The following SLC9A4 variants were observed in gnomAD, a reference collection of about 807,000 sequenced individuals.
SLC9A4 encodes the protein sodium/hydrogen exchanger 4.
Under a neutral mutation model 67.4 loss-of-function variants are expected in SLC9A4, and 63 were observed. The ratio of observed to expected loss-of-function variants is 0.93; its 90% CI spans 0.76 to 1.15. The LOEUF (loss-of-function observed/expected upper bound fraction) is 1.15. Among genes scored for constraint, SLC9A4 ranks in the 50% most tolerant of loss-of-function variants. The probability of loss-of-function intolerance (pLI) is 0.00; values close to 1 mark genes in which losing one functional copy is unlikely to be tolerated. For synonymous variants in SLC9A4, 393 were observed against 367.2 expected, an observed-to-expected ratio of 1.07 and a Z score of -0.80; for missense variants, 1,089 against 987.7, an observed-to-expected ratio of 1.10 and a Z score of -1.38.
chr2:102,490,903 A>G (rs1198812571), intron 2 of SLC9A4, among the ~76,000 whole-genome samples: 1 of 152,206 alleles, frequency 6.6e-6, no homozygotes, highest in East Asian at 1.9e-4. Context: ...TGTTTACTCA[A>G]GGTCTTTAGC....
rs772744398 is a variant in SLC9A4 at position 102,505,319 on chromosome 2, C to T, written c.1046C>T (p.Thr349Met). The change falls in exon 4 of 12, where the codon ACG (threonine) becomes ATG (methionine). Residue 349 changes from threonine to methionine, a missense_variant. By Grantham distance (81) the Thr-to-Met change is moderately conservative. Coordinates refer to ENST00000295269, the MANE Select transcript of SLC9A4 (RefSeq NM_001011552.4). ...VEENVSQTSY[T>M]TIKYFMKMLS... ...GAAAACGTGTCCCAGACATCATACACGACCATCAAGTACTTCATGAAGATG... is the reference window on the plus strand; with the variant it reads ...GAAAACGTGTCCCAGACATCATACATGACCATCAAGTACTTCATGAAGATG... 54 of 1,614,100 alleles carry T rather than the reference C, an allele frequency of 3.3e-5. No individual in the cohort carries two copies. The highest frequency in any genetic ancestry group is 6.7e-5 in the African/African-American group (5 of 74,936).
At chr2:102,527,190 A>C (rs1674682992) in intron 11 of SLC9A4, among the ~76,000 whole-genome samples, 1 of 152,182 alleles carries the variant, frequency 6.6e-6, no homozygotes, top group Non-Finnish European at 1.5e-5. Flanking sequence ...ATCACCATAG[A>C]ATGTTTTGGT....
chr2:102,512,794 C>A (rs922450746), intron 7 of SLC9A4, among the ~76,000 whole-genome samples: 1 of 152,266 alleles, frequency 6.6e-6, no homozygotes, highest in East Asian at 1.9e-4. Flanking sequence ...GACTTAGTTT[C>A]CAGTTCAGGA....
intron 8 of SLC9A4, among the ~76,000 whole-genome samples, chr2:102,518,193 C>G (rs4851610): frequency 0.79 from 119,621 of 152,134 alleles, 47,334 homozygotes; most frequent in Middle Eastern, 0.83. Flanking sequence ...TTCGTCCCCC[C>G]CAAAGTGGTC....
chr2:102,483,767 C>A (rs1252393013), intron 2 of SLC9A4, among the ~76,000 whole-genome samples: 14 of 141,830 alleles, frequency 9.9e-5, no homozygotes, highest in Admixed American at 8.7e-4. Flanking sequence ...CAAAAATTAG[C>A]TTGACCTTAG....
intron 2 of SLC9A4, among the ~76,000 whole-genome samples, chr2:102,490,418 C>G (rs752374544): frequency 3.3e-5 from 5 of 152,210 alleles, no homozygotes; most frequent in Non-Finnish European, 5.9e-5. Context: ...AGGCAGCTAC[C>G]TTCTTGCTTT....
chr2:102,491,610 C>A (rs1010446268), intron 2 of SLC9A4, among the ~76,000 whole-genome samples: 2 of 152,066 alleles, frequency 1.3e-5, no homozygotes, highest in Non-Finnish European at 2.9e-5. Context: ...CAATTACCTC[C>A]CACTGGGTCC....
rs770361441 is a variant in SLC9A4, at chr2:102,503,742, TAGAA to T, written c.980+42_980+45del. 1.0e-5 allele frequency: 16 copies of T among 1,603,782 alleles called. No homozygotes were observed. In the East Asian group the frequency reaches 1.8e-4, roughly 18 times the overall value. ...AACCAAGGATCAAGTCACATAGTAA[TAGAA>T]AGAAAGTTTAGAACCACATCACATG... On this transcript the variant is annotated intron_variant, in intron 3 of 11. Coordinates refer to ENST00000295269, the MANE Select transcript of SLC9A4 (RefSeq NM_001011552.4).
chr2:102,484,312 C>T (rs1261172866), intron 2 of SLC9A4, among the ~76,000 whole-genome samples: 1 of 152,060 alleles, frequency 6.6e-6, no homozygotes, highest in African/African-American at 2.4e-5. Flanking sequence ...CTGGGAGTGA[C>T]AAGAGAGAAC....
intron 4 of SLC9A4, among the ~76,000 whole-genome samples, chr2:102,506,447 G>A (rs1473592136): frequency 2.0e-5 from 3 of 152,146 alleles, no homozygotes; most frequent in African/African-American, 4.8e-5. Flanking sequence ...AGATTAACAG[G>A]AATACAGAAA....
chr2:102,520,055 C>T lies in SLC9A4; in HGVS notation c.1818+100C>T, dbSNP rs549980459. On this transcript the variant is annotated intron_variant, in intron 9 of 11. Coordinates refer to ENST00000295269, the MANE Select transcript of SLC9A4 (RefSeq NM_001011552.4). ...TTCAAGTCTCCTGATGTTCACGTCACCCTCTGTAAGGTGGTAACTTGCTGA... is the reference window on the plus strand; with the variant it reads ...TTCAAGTCTCCTGATGTTCACGTCATCCTCTGTAAGGTGGTAACTTGCTGA... 5.3e-6 allele frequency: 5 copies of T among 940,082 alleles called. No individual in the cohort carries two copies. The East Asian group carries it at 7.7e-5, about 15-fold the overall frequency. The allele number at this position is 940,082 out of a possible 1,614,324, so 58.2% of individuals were successfully genotyped here.
intron 2 of SLC9A4, among the ~76,000 whole-genome samples, chr2:102,500,635 C>T (rs1357607001): frequency 2.0e-5 from 3 of 152,186 alleles, no homozygotes; most frequent in Non-Finnish European, 4.4e-5. Flanking sequence ...TGCCAGCTCA[C>T]ATTCCCAAGC....
intron 8 of SLC9A4, among the ~76,000 whole-genome samples, chr2:102,518,469 C>T (rs114712018): frequency 6.8e-4 from 104 of 152,178 alleles, no homozygotes; most frequent in African/African-American, 2.5e-3. Context: ...TTTAAATGCC[C>T]TGATAATAAT....
rs777547928 is a variant in SLC9A4 at position 102,508,885 on chromosome 2, T to TA, written c.1447dup (p.Thr483AsnfsTer3). ...GCCCTCTGGTCAGGTACCTGGATGT[T>TA]AAAAAAACCAATAAAAAAGAATCCA... On this transcript the variant is annotated frameshift_variant, in exon 6 of 12. Transcript: ENST00000295269. LOFTEE classifies it high-confidence loss of function. 1.8e-5 allele frequency: 29 copies of TA among 1,613,010 alleles called. No individual in the cohort carries two copies. The highest frequency in any genetic ancestry group is 8.4e-5 in the Admixed American group (5 of 59,744).
chr2:102,492,135 A>C (rs1684715851), intron 2 of SLC9A4, among the ~76,000 whole-genome samples: 1 of 151,934 alleles, frequency 6.6e-6, no homozygotes, highest in Non-Finnish European at 1.5e-5. Context: ...CACCTCCCCC[A>C]CCACCCCAGC....
intron 8 of SLC9A4, among the ~76,000 whole-genome samples, chr2:102,516,205 A>G (rs1318759904): frequency 6.6e-6 from 1 of 152,198 alleles, no homozygotes; most frequent in East Asian, 1.9e-4. Flanking sequence ...TAAGTCAATT[A>G]TTTCTTTAGA....
chr2:102,479,203 C>G lies in SLC9A4; in HGVS notation c.621C>G (p.Asp207Glu), dbSNP rs1259294505. The G allele has an allele frequency of 6.2e-7, 1 of 1,614,220 alleles. No homozygotes were observed. The highest frequency in any genetic ancestry group is 8.5e-7 in the Non-Finnish European group (1 of 1,180,034). Residue 207 changes from aspartate (D) to glutamate (E), a missense_variant, in exon 2 of 12, where the codon GAC becomes GAG. Physicochemically the swap from Asp to Glu is conservative, Grantham distance 45. Transcript: ENST00000295269. ...TCGGCAGCCTGATCTCCGCCGTGGACCCAGTGGCCGTGCTAGCCGTGTTTG... is the reference window on the plus strand; with the variant it reads ...TCGGCAGCCTGATCTCCGCCGTGGAGCCAGTGGCCGTGCTAGCCGTGTTTG... ...LLFGSLISAV[D>E]PVAVLAVFEE... is the part of the protein sequence containing the mutation.
rs1459380018 is a variant in SLC9A4, at chr2:102,514,252, G to A, written c.1721+1G>A. ...CTACAGCTTTCTCCATACCCCATCA[G>A]TGAGTCATATCTGTTCTTTGTTCTA... On this transcript the variant is annotated splice_donor_variant, in intron 8 of 11. Transcript: ENST00000295269. LOFTEE classifies it high-confidence loss of function. The A allele has an allele frequency of 1.9e-6, 3 of 1,602,796 alleles. No individual in the cohort carries two copies. Among genetic ancestry groups the A allele is most frequent in the African/African-American group, 1.3e-5 (1 of 74,654 alleles).
intron 8 of SLC9A4, 68 bp downstream of exon 8, chr2:102,514,319 C>T: frequency 8.6e-7 from 1 of 1,160,722 alleles, no homozygotes; most frequent in Non-Finnish European, 1.2e-6. Context: ...GACTCATTGC[C>T]TCATTTAAAG....
Sources: allele counts gnomAD v4.1 joint callset (sites outside exome capture counted in the v4.1 genomes callset), GRCh38; gene constraint gnomAD v4.1.1; transcripts MANE v1.5; gene names NCBI Gene and HGNC (gene_info 2026-07-23, HGNC 2026-07-21).